Variants in SLCO1B3 observed in about 807,000 individuals in gnomAD.
SLCO1B3 encodes liver-specific organic anion transporter 2.
In SLCO1B3, 72 loss-of-function variants were observed where a neutral mutation model predicts 71.8. The observed-to-expected ratio is 1.00, with a 90% CI of 0.83 to 1.22. SLCO1B3 has a LOEUF of 1.22. Among genes scored for constraint, SLCO1B3 ranks in the 50% most tolerant of loss-of-function variants. The pLI is 0.00. For missense variants in SLCO1B3, 911 were observed against 819.7 expected, an observed-to-expected ratio of 1.11 and a Z score of -1.36; for synonymous variants, 298 against 278.4, an observed-to-expected ratio of 1.07 and a Z score of -0.70.
chr12:20,832,975 G>C (rs986725281), intron 3 of SLCO1B3, among the ~76,000 whole-genome samples: 1 of 152,080 alleles, frequency 6.6e-6, no homozygotes, highest in Non-Finnish European at 1.5e-5. Flanking sequence ...CTAAAATCCA[G>C]AAATCAGAAA....
At chr12:20,894,346 G>A (rs1865959680) in intron 13 of SLCO1B3, among the ~76,000 whole-genome samples, 1 of 152,158 alleles carries the variant, frequency 6.6e-6, no homozygotes, top group African/African-American at 2.4e-5. Flanking sequence ...CAGGCAAGAA[G>A]TAGTGTGAGT....
At chr12:20,811,673 G>C (rs1472810975) in intron 1 of SLCO1B3, among the ~76,000 whole-genome samples, 2 of 152,186 alleles carry the variant, frequency 1.3e-5, no homozygotes, top group Non-Finnish European at 2.9e-5. Flanking sequence ...TCTGTTCAGG[G>C]AAGAGTTGCA....
chr12:20,887,409 A>G (rs1009565744), intron 13 of SLCO1B3, among the ~76,000 whole-genome samples: 2 of 151,986 alleles, frequency 1.3e-5, no homozygotes, highest in African/African-American at 4.8e-5. Flanking sequence ...AATAATAGCT[A>G]TCTTGATGAG....
chr12:20,850,211 G>T (rs1258047561), intron 3 of SLCO1B3, among the ~76,000 whole-genome samples: 1 of 150,288 alleles, frequency 6.7e-6, no homozygotes, highest in African/African-American at 2.4e-5. Flanking sequence ...TAGGTAAATT[G>T]TGTGTTGCAG....
At chr12:20,839,282 G>A (rs1864746452) in intron 3 of SLCO1B3, among the ~76,000 whole-genome samples, 1 of 151,780 alleles carries the variant, frequency 6.6e-6, no homozygotes, top group Non-Finnish European at 1.5e-5. Flanking sequence ...GAAGTTTTGA[G>A]CTTCTGATCT....
intron 3 of SLCO1B3, among the ~76,000 whole-genome samples, chr12:20,844,708 A>G (rs1417510647): frequency 6.6e-6 from 1 of 151,970 alleles, no homozygotes; most frequent in Non-Finnish European, 1.5e-5. Context: ...TGTGGTCTGA[A>G]AAAAATAGTT....
intron 4 of SLCO1B3, among the ~76,000 whole-genome samples, chr12:20,855,415 C>T (rs1013487983): frequency 3.9e-5 from 6 of 152,180 alleles, no homozygotes; most frequent in Non-Finnish European, 8.8e-5. Flanking sequence ...GACTTACCAA[C>T]AAAGAATTAT....
chr12:20,862,237 A>G (rs1411356074), intron 6 of SLCO1B3, among the ~76,000 whole-genome samples, 175 bp from the exon 7 acceptor site: 1 of 152,208 alleles, frequency 6.6e-6, no homozygotes, highest in African/African-American at 2.4e-5. Context: ...GAAAATTTTT[A>G]CTTGTTTTCT....
intron 15 of SLCO1B3, among the ~76,000 whole-genome samples, chr12:20,903,902 A>G (rs1455396977): frequency 6.6e-6 from 1 of 152,212 alleles, no homozygotes; most frequent in Non-Finnish European, 1.5e-5. Context: ...CTTCTGAGAC[A>G]AGGTAAGTCC....
intron 2 of SLCO1B3, among the ~76,000 whole-genome samples, 185 bp downstream of exon 2, chr12:20,813,823 C>G (rs187674988): frequency 1.3e-5 from 2 of 152,182 alleles, no homozygotes. Context: ...CACTGTATCT[C>G]TTCTAGGAAT....
chr12:20,854,913 T>C, intron 3 of SLCO1B3, 115 bp from the exon 4 acceptor site: 1 of 994,450 alleles, frequency 1.0e-6, no homozygotes, highest in East Asian at 2.6e-5. Context: ...AATGGGTATT[T>C]TTTTATGATA....
chr12:20,832,980 C>T (rs1396065184), intron 3 of SLCO1B3, among the ~76,000 whole-genome samples: 1 of 152,066 alleles, frequency 6.6e-6, no homozygotes, highest in Non-Finnish European at 1.5e-5. Flanking sequence ...ATCCAGAAAT[C>T]AGAAATAAGT....
At chr12:20,863,718 TG>T (rs1865318013) in intron 8 of SLCO1B3, among the ~76,000 whole-genome samples, 1 of 152,138 alleles carries the variant, frequency 6.6e-6, no homozygotes, top group Admixed American at 6.5e-5. Flanking sequence ...ACTTTCCAAT[TG>T]ATTAACTGTT....
chr12:20,901,639 T>G (rs535070370), intron 15 of SLCO1B3, among the ~76,000 whole-genome samples, 172 bp downstream of exon 15: 2 of 152,210 alleles, frequency 1.3e-5, no homozygotes, highest in African/African-American at 4.8e-5. Context: ...TTAATACTCA[T>G]AGAAACTGTA....
Position 20,898,465 on chromosome 12 carries a change from C to A in SLCO1B3, c.1712C>A (p.Ala571Glu), listed in dbSNP as rs76963574. Reference protein sequence around the residue: ...KIVQPELKALAMGFQSMVIRT... With the variant: ...KIVQPELKALEMGFQSMVIRT... ...GTTCAACCTGAATTGAAAGCACTTGCAATGGGTTTCCAGTCAATGGTTATA... is the reference window on the plus strand; with the variant it reads ...GTTCAACCTGAATTGAAAGCACTTGAAATGGGTTTCCAGTCAATGGTTATA... Residue 571 changes from alanine (A) to glutamate (E), a missense_variant, in exon 14 of 16, where the codon GCA becomes GAA. Ala to Glu is a moderately radical substitution (Grantham distance 107). Coordinates refer to ENST00000381545, the MANE Select transcript of SLCO1B3 (RefSeq NM_019844.4). 1.9e-6 allele frequency: 3 copies of A among 1,597,276 alleles called. No homozygotes were observed. The highest frequency in any genetic ancestry group is 2.0e-4 in the Middle Eastern group (1 of 5,104).
At chr12:20,880,401 T>C (rs1459010099) in intron 11 of SLCO1B3, among the ~76,000 whole-genome samples, 1 of 151,042 alleles carries the variant, frequency 6.6e-6, no homozygotes, top group Non-Finnish European at 1.5e-5. Context: ...CAATGTTAAC[T>C]AACATGCATA....
In SLCO1B3 at chr12:20,902,971, G is replaced by A. The variant is rs568330050; in HGVS notation, c.1865+1504G>A. ...GCCTGTAATCTTAGTTACTTCAGAG[G>A]CTGAGGTGGGACAACTGCTTGAACC... On this transcript the variant is annotated intron_variant, in intron 15 of 15. Coordinates refer to ENST00000381545, the MANE Select transcript of SLCO1B3 (RefSeq NM_019844.4). Among the ~76,000 whole-genome samples the A allele has an allele frequency of 2.6e-5, 4 of 152,014 alleles. No individual in the cohort carries two copies. The South Asian group carries it at 8.3e-4, about 32-fold the overall frequency.
chr12:20,852,985 T>A (rs976609161), intron 3 of SLCO1B3, among the ~76,000 whole-genome samples: 2 of 152,112 alleles, frequency 1.3e-5, no homozygotes, highest in Non-Finnish European at 2.9e-5. Flanking sequence ...GGAGTGGGCA[T>A]CTTGTCAAAT....
At chr12:20,842,782 A>G (rs961965693) in intron 3 of SLCO1B3, among the ~76,000 whole-genome samples, 3 of 152,166 alleles carry the variant, frequency 2.0e-5, no homozygotes, top group African/African-American at 7.2e-5. Context: ...CTCTCTTACA[A>G]CAAGGCAAAT....
Sources: allele counts gnomAD v4.1 joint callset (sites outside exome capture counted in the v4.1 genomes callset), GRCh38; gene constraint gnomAD v4.1.1; transcripts MANE v1.5; gene names NCBI Gene and HGNC (gene_info 2026-07-23, HGNC 2026-07-21).